The following VPS26C variants were observed in gnomAD, a reference collection of about 807,000 sequenced individuals.
VPS26C encodes VPS26 endosomal protein sorting factor C.
A neutral mutation model predicts 30.6 loss-of-function variants in VPS26C; 19 were observed. That is an observed-to-expected ratio of 0.62 (90% CI 0.43 to 0.91). The LOEUF (loss-of-function observed/expected upper bound fraction) is 0.91. VPS26C is among the 40% of genes least tolerant of loss of function. The pLI, the probability that VPS26C is intolerant of heterozygous loss-of-function variation, is 0.00. For synonymous variants in VPS26C, 132 were observed against 151.5 expected (o/e 0.87, Z 0.95); for missense variants, 318 against 385.1 (o/e 0.83, Z 1.46).
intron 1 of VPS26C, among the ~76,000 whole-genome samples, chr21:37,264,138 T>A (rs2086334669): frequency 6.6e-6 from 1 of 152,370 alleles, no homozygotes; most frequent in South Asian, 2.1e-4. Context: ...ATTGATTAAT[T>A]AGTTTAATAA....
At chr21:37,235,868 TATATATATATA>T (rs1569233747) in intron 3 of VPS26C, among the ~76,000 whole-genome samples, 11 of 113,174 alleles carry the variant, frequency 9.7e-5, no homozygotes, top group African/African-American at 9.4e-5. Context: ...TATATATATA[TATATATATATA>T]TTTTTTTTTT....
intron 1 of VPS26C, among the ~76,000 whole-genome samples, chr21:37,248,251 G>A (rs2086156785): frequency 6.9e-6 from 1 of 144,926 alleles, no homozygotes; most frequent in Non-Finnish European, 1.5e-5. Context: ...TGAAAACAGA[G>A]AATATGCTCT....
intron 1 of VPS26C, among the ~76,000 whole-genome samples, chr21:37,263,750 CA>C (rs1161355022): frequency 6.6e-6 from 1 of 152,158 alleles, no homozygotes; most frequent in South Asian, 2.1e-4. Context: ...TCAAGCAACC[CA>C]TAAGAATTGT....
chr21:37,241,302 C>T (rs115549757), intron 1 of VPS26C, among the ~76,000 whole-genome samples: 90 of 152,228 alleles, frequency 5.9e-4, no homozygotes, highest in African/African-American at 2.0e-3. Context: ...CACACATCAT[C>T]GAGAGACTTC....
At chr21:37,230,843 C>T (rs938138587) in intron 5 of VPS26C, 8 of 152,396 alleles carry the variant, frequency 5.2e-5, no homozygotes, top group Admixed American at 2.6e-4. Context: ...AGGCAGGTAT[C>T]ACAGGTGAGC....
chr21:37,228,123 G>C lies in VPS26C; in HGVS notation c.658+100C>G, dbSNP rs531461070. ...TGAGTAGCTGGGATTACAGGGGTGC[G>C]CCACTGTGCCCAGCCCCCCAGCATC... On this transcript the variant is annotated intron_variant, in intron 6 of 7. Transcript: ENST00000309117. The C allele has an allele frequency of 1.4e-5, 20 of 1,477,018 alleles. No individual in the cohort carries two copies. The Admixed American group carries it at 2.9e-4, about 21-fold the overall frequency. 91.5% of individuals were successfully genotyped at this position (1,477,018 alleles called of 1,614,324 possible). A position where few individuals can be genotyped will look rare whatever the true frequency, so the allele number is the denominator to read the frequency against.
chr21:37,240,677 G>A, intron 1 of VPS26C, 38 bp from the exon 2 acceptor site: 2 of 1,603,354 alleles, frequency 1.2e-6, no homozygotes, highest in Non-Finnish European at 1.7e-6. Context: ...AAATTAGCAT[G>A]CTTCCTCCAT....
rs1389547039 is a variant in VPS26C, at chr21:37,257,493, A to G, written c.57+9745T>C. Among the ~76,000 whole-genome samples the G allele has an allele frequency of 1.3e-5, 2 of 152,194 alleles. No homozygotes were observed. The highest frequency in any genetic ancestry group is 6.5e-5 in the Admixed American group (1 of 15,290). ...TCTGAACGGAAGCTTAAACCTAGAAAAGTAACTGGGTTGGGGTGGGGGTGT... is the reference window on the plus strand; with the variant it reads ...TCTGAACGGAAGCTTAAACCTAGAAGAGTAACTGGGTTGGGGTGGGGGTGT... On this transcript the variant is annotated intron_variant, in intron 1 of 7. Coordinates refer to ENST00000309117, the MANE Select transcript of VPS26C (RefSeq NM_006052.2). This position sits in a 1 kb window ranked among gnomAD's most constrained non-coding sequence, Gnocchi z 4.2.
intron 1 of VPS26C, among the ~76,000 whole-genome samples, chr21:37,241,129 G>T (rs2086083173): frequency 6.6e-6 from 1 of 152,200 alleles, no homozygotes; most frequent in South Asian, 2.1e-4. Context: ...TAACACGATG[G>T]TTAGCCTGGT....
chr21:37,228,170 G>A, intron 6 of VPS26C, 53 bp downstream of exon 6: 2 of 1,587,398 alleles, frequency 1.3e-6, no homozygotes, highest in Non-Finnish European at 8.5e-7. Flanking sequence ...GGAACGTGAG[G>A]GTGGCAGTCG....
chr21:37,238,608 G>T lies in VPS26C; in HGVS notation c.203C>A (p.Pro68His). The change falls in exon 3 of 8, where the codon CCT becomes CAT. Residue 68 changes from proline to histidine, a missense_variant and splice_region_variant. Coordinates refer to ENST00000309117, the MANE Select transcript of VPS26C (RefSeq NM_006052.2). ...VFEAFYNSVK[P>H]IQIINSTIEM... ...TATGGTGCTGTTGATAATCTGGATA[G>T]GCTGTAAACAAAAATCAGTTCAGTC... The T allele has an allele frequency of 6.2e-7, 1 of 1,613,672 alleles. No homozygotes were observed. Among genetic ancestry groups the T allele is most frequent in the Non-Finnish European group, 8.5e-7 (1 of 1,179,838 alleles).
rs1184306220 is a variant in VPS26C at position 37,228,487 on chromosome 21, C to T, written c.508-114G>A. Reference sequence around the variant, plus strand: ...GTTGGATAGTGGTTACACAGTCCACCGGGACCGTCTCACAAAACGGGAAGA... The same window carrying T: ...GTTGGATAGTGGTTACACAGTCCACTGGGACCGTCTCACAAAACGGGAAGA... On this transcript the variant is annotated intron_variant, in intron 5 of 7. Transcript: ENST00000309117. 3.5e-5 allele frequency: 41 copies of T among 1,155,506 alleles called. No homozygotes were observed. In the East Asian group the frequency reaches 4.7e-4, roughly 13 times the overall value. The allele number at this position is 1,155,506 out of a possible 1,614,324, so 71.6% of individuals were successfully genotyped here.
intron 1 of VPS26C, chr21:37,261,999 A>C (rs1196218752): frequency 6.6e-6 from 1 of 152,174 alleles, no homozygotes; most frequent in Non-Finnish European, 1.5e-5. Flanking sequence ...ACTTAGTGGG[A>C]AATGTCTACA....
At chr21:37,246,517 A>G (rs1233318282) in intron 1 of VPS26C, among the ~76,000 whole-genome samples, 4 of 152,230 alleles carry the variant, frequency 2.6e-5, no homozygotes, top group Non-Finnish European at 5.9e-5. Context: ...GCTATCCAAG[A>G]GATGGCTAGA....
intron 3 of VPS26C, among the ~76,000 whole-genome samples, chr21:37,235,880 T>TA (rs1491429073): frequency 1.5e-3 from 152 of 98,450 alleles, no homozygotes; most frequent in South Asian, 0.01. Context: ...TATATATATA[T>TA]TTTTTTTTTT....
In VPS26C at chr21:37,235,890, T is replaced by TA. The variant is rs2037163138; in HGVS notation, c.352-2449dup. Among the ~76,000 whole-genome samples the TA allele has an allele frequency of 4.8e-5, 7 of 144,866 alleles. 1 individual carries two copies. Among genetic ancestry groups the TA allele is most frequent in the Middle Eastern group, 6.7e-3 (2 of 298 alleles). ...ATATATATATATATATTTTTTTTTT[T>TA]AATTAAAAAATTTTTTTCTTAAGAG... On this transcript the variant is annotated intron_variant, in intron 3 of 7. Coordinates refer to ENST00000309117, the MANE Select transcript of VPS26C (RefSeq NM_006052.2).
intron 1 of VPS26C, among the ~76,000 whole-genome samples, chr21:37,245,737 A>G (rs1343286901): frequency 6.6e-6 from 1 of 152,132 alleles, no homozygotes; most frequent in Non-Finnish European, 1.5e-5. Flanking sequence ...AATCCATACC[A>G]TCAAGCAGAT....
Position 37,233,586 on chromosome 21 carries a change from TATA to T in VPS26C, c.352-147_352-145del. On this transcript the variant is annotated intron_variant, in intron 3 of 7. Coordinates refer to ENST00000309117, the MANE Select transcript of VPS26C (RefSeq NM_006052.2). This position sits in a 1 kb window ranked among gnomAD's most constrained non-coding sequence, Gnocchi z 5.2. ...CATTATAGAAAATTAACATACATAA[TATA>T]ATACATAATAGGATAGTTAATGTTC... The T allele has an allele frequency of 4.9e-6, 3 of 617,538 alleles. No homozygotes were observed. The highest frequency in any genetic ancestry group is 3.7e-5 in the African/African-American group (2 of 54,486). The allele number at this position is 617,538 out of a possible 1,614,324, so 38.3% of individuals were successfully genotyped here. A position where few individuals can be genotyped will look rare whatever the true frequency, so the allele number is the denominator to read the frequency against.
In VPS26C at chr21:37,233,638, A is replaced by C. The variant is rs2085989972; in HGVS notation, c.352-196T>G. Among the ~76,000 whole-genome samples the C allele has an allele frequency of 1.3e-5, 2 of 152,246 alleles. No individual in the cohort carries two copies. Among genetic ancestry groups the C allele is most frequent in the Non-Finnish European group, 2.9e-5 (2 of 68,048 alleles). ...TCAAAATAAAGGCATTTCTGTTTTA[A>C]AAATGAACCACTTTAAGGTTATTCT... On this transcript the variant is annotated intron_variant, in intron 3 of 7. Transcript: ENST00000309117. The surrounding 1 kb of genome is among the most constrained non-coding windows in gnomAD (Gnocchi z 5.2).
Sources: allele counts gnomAD v4.1 joint callset (sites outside exome capture counted in the v4.1 genomes callset), GRCh38; gene constraint gnomAD v4.1.1; non-coding constraint Gnocchi (gnomAD v3.1); transcripts MANE v1.5; gene names NCBI Gene and HGNC (gene_info 2026-07-23, HGNC 2026-07-21).